TRMT1L: variants seen among roughly 807,000 people sequenced by gnomAD.
TRMT1L encodes the protein tRNA (guanine(27)-N(2))-dimethyltransferase.
Under a neutral mutation model 81.6 loss-of-function variants are expected in TRMT1L, and 28 were observed. That is an observed-to-expected ratio of 0.34 (90% confidence interval 0.25 to 0.47). The LOEUF (loss-of-function observed/expected upper bound fraction) is 0.47. Ranked by LOEUF, TRMT1L falls within the 20% of genes least tolerant of loss-of-function variation. TRMT1L has a pLI of 1.00. For missense variants in TRMT1L, 739 were observed against 877.1 expected (o/e 0.84, Z 1.99); for synonymous variants, 301 against 303.2 (o/e 0.99, Z 0.07).
chr1:185,156,545 G>A lies in TRMT1L; in HGVS notation c.168C>T (p.Ala56=), dbSNP rs533032493. ...GGGCCGGAGCCTGGGCCAGGGCAGG[G>A]GCTGGGGCTGGAGCCGAGGCCGGAG... The part of the protein sequence containing the change: ...APTPASAPAP[A]PALAQAPALS... The change falls in exon 1 of 15, where the codon GCC becomes GCT. Residue 56 remains alanine (A), a synonymous_variant. Transcript: ENST00000367506. The A allele has an allele frequency of 6.2e-7, 1 of 1,609,490 alleles. No individual in the cohort carries two copies. Among genetic ancestry groups the A allele is most frequent in the South Asian group, 1.1e-5 (1 of 90,764 alleles).
Position 185,119,831 on chromosome 1 carries a change from C to CAA in TRMT1L, c.*186_*187dup. On this transcript the variant is annotated 3_prime_UTR_variant, in exon 15 of 15. Coordinates refer to ENST00000367506, the MANE Select transcript of TRMT1L (RefSeq NM_030934.5). ...TTAAAATTTTAAGTTTGCCTTAAAA[C>CAA]AAAAAAAAACTTGGAAAGCAAAGCT... The CAA allele has an allele frequency of 1.6e-6, 1 of 635,592 alleles. No individual in the cohort carries two copies. Among genetic ancestry groups the CAA allele is most frequent in the Non-Finnish European group, 2.4e-6 (1 of 414,778 alleles). 39.4% of individuals were successfully genotyped at this position (635,592 alleles called of 1,614,324 possible). A position where few individuals can be genotyped will look rare whatever the true frequency, so the allele number is the denominator to read the frequency against.
At chr1:185,121,145 C>T (rs1652491047) in intron 13 of TRMT1L, among the ~76,000 whole-genome samples, 1 of 152,158 alleles carries the variant, frequency 6.6e-6, no homozygotes, top group Admixed American at 6.5e-5. Context: ...GATTCTAGAA[C>T]TGTATCCTTC....
At chr1:185,155,113 T>C (rs1653459438) in intron 1 of TRMT1L, among the ~76,000 whole-genome samples, 1 of 152,256 alleles carries the variant, frequency 6.6e-6, no homozygotes, top group Admixed American at 6.5e-5. Flanking sequence ...TACTAATGCA[T>C]TTTCAGTTTC....
intron 10 of TRMT1L, among the ~76,000 whole-genome samples, chr1:185,135,374 C>T (rs1652871015): frequency 6.6e-6 from 1 of 150,686 alleles, no homozygotes; most frequent in Non-Finnish European, 1.5e-5. Flanking sequence ...CGATACTGTG[C>T]CAGTGCACTC....
In TRMT1L at chr1:185,139,571, T is replaced by G; in HGVS notation, c.1118A>C (p.Asp373Ala). 6.2e-7 allele frequency: 1 copy of G among 1,605,210 alleles called. No individual in the cohort carries two copies. The highest frequency in any genetic ancestry group is 8.5e-7 in the Non-Finnish European group (1 of 1,174,980). Residue 373 changes from aspartate to alanine, a missense_variant, in exon 9 of 15, where the codon GAC becomes GCC. By Grantham distance (126) the Asp-to-Ala change is moderately radical. Transcript: ENST00000367506. ...ATAATTCACTGATGTTCCAAAAGGG[T>G]CTAGATGTCTAAAATCAGAAAGAAT... Reference protein sequence around the residue: ...HLRSFDFIHLDPFGTSVNYLD... With the variant: ...HLRSFDFIHLAPFGTSVNYLD...
At chr1:185,130,993 GTTTA>G (rs910115717) in intron 10 of TRMT1L, among the ~76,000 whole-genome samples, 4 of 151,732 alleles carry the variant, frequency 2.6e-5, no homozygotes, top group East Asian at 1.9e-4. Context: ...AAATCCATTG[GTTTA>G]TTTTTATTTT....
chr1:185,153,626 T>C (rs1653419711), intron 1 of TRMT1L, among the ~76,000 whole-genome samples: 3 of 152,144 alleles, frequency 2.0e-5, no homozygotes, highest in Non-Finnish European at 4.4e-5. Flanking sequence ...TTTGAGAAGT[T>C]TGACGGTATA....
intron 7 of TRMT1L, among the ~76,000 whole-genome samples, chr1:185,141,074 C>A (rs1299701664): frequency 1.3e-5 from 2 of 151,870 alleles, no homozygotes; most frequent in Non-Finnish European, 2.9e-5. Flanking sequence ...TATCTACTAG[C>A]TTAAAGTCAT....
intron 1 of TRMT1L, among the ~76,000 whole-genome samples, chr1:185,154,913 CT>C (rs150862037): frequency 6.6e-6 from 1 of 152,100 alleles, no homozygotes; most frequent in African/African-American, 2.4e-5. Flanking sequence ...CTAGGAGGGT[CT>C]TTTACAACTT....
chr1:185,147,708 C>G (rs1007210531), intron 3 of TRMT1L, among the ~76,000 whole-genome samples: 1 of 152,152 alleles, frequency 6.6e-6, no homozygotes, highest in African/African-American at 2.4e-5. Flanking sequence ...CCTCTTCCTT[C>G]TCTCATGCCC....
At chr1:185,141,371 T>C (rs1016151582) in intron 7 of TRMT1L, among the ~76,000 whole-genome samples, 1 of 152,184 alleles carries the variant, frequency 6.6e-6, no homozygotes, top group African/African-American at 2.4e-5. Flanking sequence ...GCTGGAAATA[T>C]ATTCCTTAGA....
At position 185,120,048 on chromosome 1, in the gene TRMT1L, C is replaced by T. The variant is rs1358274450; in HGVS notation, c.2173G>A (p.Ala725Thr). 1 of 1,613,850 alleles carries T rather than the reference C, an allele frequency of 6.2e-7. No homozygotes were observed. The change falls in exon 15 of 15, where the codon GCA becomes ACA. Residue 725 changes from alanine to threonine, a missense_variant. This residue lies in a region of TRMT1L where 196 missense variants were observed against 232.6 expected (regional missense o/e 0.84). Transcript: ENST00000367506. ...CATCTTCTGCAGCCACTTGCTTCTG[C>T]TTTGTCATTCACTGACATTTCAACT... Reference protein sequence around the residue: ...ERVEMSVNDKAEASGCRRW With the variant: ...ERVEMSVNDKTEASGCRRW
intron 2 of TRMT1L, among the ~76,000 whole-genome samples, chr1:185,150,970 G>C (rs193280286): frequency 6.6e-6 from 1 of 152,308 alleles, no homozygotes; most frequent in East Asian, 1.9e-4. Flanking sequence ...GAAGTGGAAG[G>C]AATAGATGGG....
At chr1:185,138,946 C>A (rs1478201051) in intron 9 of TRMT1L, among the ~76,000 whole-genome samples, 1 of 152,070 alleles carries the variant, frequency 6.6e-6, no homozygotes, top group Non-Finnish European at 1.5e-5. Context: ...TACCAACATG[C>A]CCAGCTAATT....
In TRMT1L at chr1:185,139,398, C is replaced by T; in HGVS notation, c.1291G>A (p.Ala431Thr). Residue 431 changes from alanine to threonine, a missense_variant, in exon 9 of 15, where the codon GCA becomes ACA. By Grantham distance (58) the Ala-to-Thr change is moderately conservative. Transcript: ENST00000367506. The stretch of plus-strand genomic sequence containing the variant: ...ACTGCAGCTACAACAATTCTGGCTG[C>T]TAGTTCCTTGTAATATTCAGTTCGG... The part of the protein sequence containing the change: ...IVRTEYYKEL[A>T]ARIVVAAVAR... The T allele has an allele frequency of 6.2e-7, 1 of 1,613,942 alleles. No homozygotes were observed. Among genetic ancestry groups the T allele is most frequent in the Non-Finnish European group, 8.5e-7 (1 of 1,179,908 alleles).
At chr1:185,126,218 A>G (rs1282017350) in intron 11 of TRMT1L, among the ~76,000 whole-genome samples, 1 of 152,184 alleles carries the variant, frequency 6.6e-6, no homozygotes, top group Non-Finnish European at 1.5e-5. Flanking sequence ...GATGTCTGCA[A>G]CTGTGCTGGG....
At chr1:185,130,831 G>A (rs772689299) in intron 10 of TRMT1L, among the ~76,000 whole-genome samples, 13 of 152,020 alleles carry the variant, frequency 8.6e-5, no homozygotes, top group Non-Finnish European at 1.6e-4. Flanking sequence ...TCCAGTCTCT[G>A]TCCCCAGTGT....
intron 4 of TRMT1L, 119 bp downstream of exon 4, chr1:185,147,063 A>G (rs1169292110): frequency 1.9e-6 from 1 of 540,072 alleles, no homozygotes; most frequent in East Asian, 3.0e-5. Flanking sequence ...AAGGACTCAG[A>G]GAATTTTAAA....
At chr1:185,124,696 C>CA (rs1424121035) in intron 12 of TRMT1L, 3,597 of 205,328 alleles carry the variant, frequency 0.018, no homozygotes, top group East Asian at 0.028. Context: ...ACCCAGTATC[C>CA]AAAAAAAAAA....
Sources: gnomAD v4.1 joint callset for allele counts (sites outside exome capture counted in the v4.1 genomes callset) on GRCh38, gnomAD v4.1.1 for gene constraint, gnomAD v4.1.1 regional missense constraint, MANE v1.5 for transcripts, NCBI Gene and HGNC (gene_info 2026-07-23, HGNC 2026-07-21) for gene names.